The following NTNG2 variants were observed in gnomAD, a reference collection of about 807,000 sequenced individuals.
The protein encoded by NTNG2 is netrin-G2.
A neutral mutation model predicts 47.6 loss-of-function variants in NTNG2; 15 were observed. That is an observed-to-expected ratio of 0.32 (90% CI 0.21 to 0.49). NTNG2 has a LOEUF of 0.49. Among genes scored for constraint, NTNG2 ranks in the 20% least tolerant of loss-of-function variants. NTNG2 has a pLI of 0.99. For missense variants in NTNG2, 578 were observed against 764.6 expected, an observed-to-expected ratio of 0.76 and a Z score of 2.88; for synonymous variants, 307 against 324.6, an observed-to-expected ratio of 0.95 and a Z score of 0.58.
chr9:132,237,029 G>A (rs994137022), intron 5 of NTNG2, among the ~76,000 whole-genome samples: 1 of 152,194 alleles, frequency 6.6e-6, no homozygotes, highest in African/African-American at 2.4e-5. Context: ...CGGGCGTGGT[G>A]TGCAATGTGA....
In NTNG2 at chr9:132,162,225, C is replaced by G; in HGVS notation, c.-498C>G. 6.6e-6 allele frequency: 1 copy of G among 152,390 alleles called. No individual in the cohort carries two copies. Among genetic ancestry groups the G allele is most frequent in the Non-Finnish European group, 1.5e-5 (1 of 67,968 alleles). The allele number at this position is 152,390 out of a possible 1,614,324, so 9.4% of individuals were successfully genotyped here. ...CCTCCCAGGTCTCCGCGCCGGGAAGCCGCTCCGAGCCGGGGTAAGGCGGGC... is the reference window on the plus strand; with the variant it reads ...CCTCCCAGGTCTCCGCGCCGGGAAGGCGCTCCGAGCCGGGGTAAGGCGGGC... On this transcript the variant is annotated 5_prime_UTR_variant, in exon 1 of 8. Transcript: ENST00000393229. The surrounding 1 kb of genome is among the most constrained non-coding windows in gnomAD (Gnocchi z 4.6).
Position 132,197,793 on chromosome 9 carries a change from G to A in NTNG2, c.214-173G>A, listed in dbSNP as rs937091700. 1.3e-5 allele frequency among the ~76,000 whole-genome samples: 2 copies of A among 152,078 alleles called. No individual in the cohort carries two copies. Among genetic ancestry groups the A allele is most frequent in the Admixed American group, 1.3e-4 (2 of 15,270 alleles). On this transcript the variant is annotated intron_variant, in intron 2 of 7. Transcript: ENST00000393229. The surrounding 1 kb of genome is among the most constrained non-coding windows in gnomAD (Gnocchi z 4.3). ...GCCATGGGATTGCACACCTCTGCACGCATTGAGGAAATGGGCACAAATCTC... is the reference window on the plus strand; with the variant it reads ...GCCATGGGATTGCACACCTCTGCACACATTGAGGAAATGGGCACAAATCTC...
Position 132,180,982 on chromosome 9 carries a change from G to A in NTNG2, c.213+13938G>A, listed in dbSNP as rs372978069. On this transcript the variant is annotated intron_variant, in intron 2 of 7. Coordinates refer to ENST00000393229, the MANE Select transcript of NTNG2 (RefSeq NM_032536.4). This position sits in a 1 kb window ranked among gnomAD's most constrained non-coding sequence, Gnocchi z 4.2. ...TCTGAGTCCATCCGTGGTCACTTTC[G>A]GTCAATCATCTGGCCTGAGCAGGTT... Among the ~76,000 whole-genome samples, 63 of 152,290 alleles carry A rather than the reference G, an allele frequency of 4.1e-4. 1 individual carries two copies. Among genetic ancestry groups the A allele is most frequent in the African/African-American group, 1.4e-3 (57 of 41,556 alleles).
chr9:132,170,775 C>T (rs559102946), intron 2 of NTNG2, among the ~76,000 whole-genome samples: 1 of 152,286 alleles, frequency 6.6e-6, no homozygotes, highest in South Asian at 2.1e-4. Context: ...CACTCCCACT[C>T]AGAGCAATCG....
intron 2 of NTNG2, among the ~76,000 whole-genome samples, chr9:132,183,127 T>A (rs1220635152): frequency 6.6e-6 from 1 of 152,142 alleles, no homozygotes; most frequent in Admixed American, 6.5e-5. Context: ...CTCTCTCACA[T>A]CTGAGCTGCA....
chr9:132,173,620 TG>T (rs1434938867), intron 2 of NTNG2, among the ~76,000 whole-genome samples: 1 of 152,032 alleles, frequency 6.6e-6, no homozygotes, highest in Non-Finnish European at 1.5e-5. Context: ...CAATCCCACC[TG>T]CGATGGGGCA....
At chr9:132,187,762 A>G (rs1472505202) in intron 2 of NTNG2, among the ~76,000 whole-genome samples, 1 of 152,246 alleles carries the variant, frequency 6.6e-6, no homozygotes, top group Non-Finnish European at 1.5e-5. Flanking sequence ...TAATCTGTTA[A>G]GGAGAATTCC....
chr9:132,235,027 T>C (rs1224446451), intron 5 of NTNG2, among the ~76,000 whole-genome samples: 2 of 152,230 alleles, frequency 1.3e-5, no homozygotes, highest in Admixed American at 6.5e-5. Flanking sequence ...CCTGCCTTGC[T>C]GGCTGTGTGT....
chr9:132,244,266 T>C lies in NTNG2; in HGVS notation c.*2155T>C, dbSNP rs56740978. ...GAGCATAACAGTGTCACCCTCAGGATAGTGAAGGGTGGAGCCGGGGGTGGA... is the reference window on the plus strand; with the variant it reads ...GAGCATAACAGTGTCACCCTCAGGACAGTGAAGGGTGGAGCCGGGGGTGGA... On this transcript the variant is annotated 3_prime_UTR_variant, in exon 8 of 8. Transcript: ENST00000393229. 0.042 allele frequency: 6,433 copies of C among 152,294 alleles called. 462 individuals carry two copies. Among genetic ancestry groups the C allele is most frequent in the African/African-American group, 0.15 (6,135 of 41,488 alleles). The allele number at this position is 152,294 out of a possible 1,614,324, so 9.4% of individuals were successfully genotyped here. A position where few individuals can be genotyped will look rare whatever the true frequency, so the allele number is the denominator to read the frequency against.
chr9:132,211,397 G>GT (rs1050488059), intron 3 of NTNG2, among the ~76,000 whole-genome samples: 6 of 152,112 alleles, frequency 3.9e-5, no homozygotes, highest in African/African-American at 9.7e-5. Flanking sequence ...CCTTTCTGTA[G>GT]TTTTTTGTCC....
At chr9:132,200,243 C>G (rs1014006554) in intron 3 of NTNG2, among the ~76,000 whole-genome samples, 1 of 152,168 alleles carries the variant, frequency 6.6e-6, no homozygotes, top group Non-Finnish European at 1.5e-5. Flanking sequence ...CCCAAGGGTG[C>G]TGGGGCAGTC....
intron 3 of NTNG2, among the ~76,000 whole-genome samples, chr9:132,206,902 G>A (rs1244133133): frequency 1.3e-5 from 2 of 152,236 alleles, no homozygotes; most frequent in Non-Finnish European, 2.9e-5. Flanking sequence ...GGGGGTGGTG[G>A]GGTCCACTGC....
intron 3 of NTNG2, among the ~76,000 whole-genome samples, chr9:132,205,261 G>A (rs1839079473): frequency 6.6e-6 from 1 of 152,154 alleles, no homozygotes; most frequent in Non-Finnish European, 1.5e-5. Flanking sequence ...CCATATAATG[G>A]AATATGATTC....
In NTNG2 at chr9:132,231,610, C is replaced by A. The variant is rs1034759605; in HGVS notation, c.1054+1015C>A. The stretch of plus-strand genomic sequence containing the variant: ...TGGTGTCCCCACCCCGGCAACCCCC[C>A]AACCCTCTCTTGCTTTTCCCATCTC... On this transcript the variant is annotated intron_variant, in intron 5 of 7. Transcript: ENST00000393229. This position sits in a 1 kb window ranked among gnomAD's most constrained non-coding sequence, Gnocchi z 4.1. 36 of 300,654 alleles carry A rather than the reference C, an allele frequency of 1.2e-4. No individual in the cohort carries two copies. Among genetic ancestry groups the A allele is most frequent in the Non-Finnish European group, 6.5e-5 (10 of 152,966 alleles). The allele number at this position is 300,654 out of a possible 1,614,324, so 18.6% of individuals were successfully genotyped here. A position where few individuals can be genotyped will look rare whatever the true frequency, so the allele number is the denominator to read the frequency against.
intron 2 of NTNG2, among the ~76,000 whole-genome samples, chr9:132,170,933 C>T (rs1181687260): frequency 6.6e-6 from 1 of 152,026 alleles, no homozygotes; most frequent in East Asian, 1.9e-4. Flanking sequence ...TGAAGCCTGC[C>T]GTTGACGAAG....
At chr9:132,185,925 T>C (rs1353261284) in intron 2 of NTNG2, among the ~76,000 whole-genome samples, 1 of 151,432 alleles carries the variant, frequency 6.6e-6, no homozygotes. Context: ...GGCTGAGCGC[T>C]CCCGCTGGCC....
At chr9:132,224,020 A>ACTCCTCATG (rs1840546954) in intron 3 of NTNG2, among the ~76,000 whole-genome samples, 2 of 151,484 alleles carry the variant, frequency 1.3e-5, no homozygotes, top group African/African-American at 4.9e-5. Context: ...TGGCCCGGCA[A>ACTCCTCATG]CTCTTGATCC....
At chr9:132,241,850 G>C (rs1325926716) in intron 7 of NTNG2, 26 bp from the exon 8 acceptor site, 1 of 1,518,654 alleles carries the variant, frequency 6.6e-7, no homozygotes, top group Non-Finnish European at 8.8e-7. Flanking sequence ...GCCACCCCCC[G>C]TGCTGACCGC....
At chr9:132,188,362 G>A (rs567775938) in intron 2 of NTNG2, among the ~76,000 whole-genome samples, 42 of 152,368 alleles carry the variant, frequency 2.8e-4, no homozygotes, top group African/African-American at 1.0e-3. Flanking sequence ...CCGAGTCTGC[G>A]GGAGCACAGT....
Sources: allele counts gnomAD v4.1 joint callset (sites outside exome capture counted in the v4.1 genomes callset), GRCh38; gene constraint gnomAD v4.1.1; non-coding constraint Gnocchi (gnomAD v3.1); transcripts MANE v1.5; gene names NCBI Gene and HGNC (gene_info 2026-07-23, HGNC 2026-07-21).